The following ATP1A1 variants were observed in gnomAD, a reference collection of about 807,000 sequenced individuals.
The protein encoded by ATP1A1 is ATPase Na+/K+ transporting subunit alpha 1, also known as sodium/potassium-transporting ATPase subunit alpha-1.
A neutral mutation model predicts 114.8 loss-of-function variants in ATP1A1; 14 were observed. That is an observed-to-expected ratio of 0.12 (90% CI 0.08 to 0.19). The LOEUF (loss-of-function observed/expected upper bound fraction) is 0.19, where lower values mean the gene tolerates loss of function less well. Among genes scored for constraint, ATP1A1 ranks in the 10% least tolerant of loss-of-function variants. ATP1A1 has a pLI of 1.00. For synonymous variants in ATP1A1, 471 were observed against 466.3 expected, an observed-to-expected ratio of 1.01 and a Z score of -0.13; for missense variants, 524 against 1,290.7, an observed-to-expected ratio of 0.41 and a Z score of 9.10.
At chr1:116,394,526 G>GT (rs1431940714) in intron 12 of ATP1A1, among the ~76,000 whole-genome samples, 4 of 151,926 alleles carry the variant, frequency 2.6e-5, no homozygotes, top group African/African-American at 9.7e-5. Flanking sequence ...AAAGATCATT[G>GT]TAACGTCATA....
At position 116,373,762 on chromosome 1, in the gene ATP1A1, G is replaced by GTGGGCGGACCCTGGGCGGGGGC. The variant is rs1651153754; in HGVS notation, c.12+242_12+263dup. 9.3e-6 allele frequency: 11 copies of GTGGGCGGACCCTGGGCGGGGGC among 1,182,866 alleles called. No homozygotes were observed. In the South Asian group the frequency reaches 3.1e-4, roughly 34 times the overall value. 73.3% of individuals were successfully genotyped at this position (1,182,866 alleles called of 1,614,324 possible). A position where few individuals can be genotyped will look rare whatever the true frequency, so the allele number is the denominator to read the frequency against. ...CTGGAGCGCGGCATTGCTTAGGGGG[G>GTGGGCGGACCCTGGGCGGGGGC]TGGGCGGACCCTGGGCGGGGGCTGC... On this transcript the variant is annotated intron_variant, in intron 1 of 22. Transcript: ENST00000295598.
Position 116,384,133 on chromosome 1 carries a change from TAGG to T in ATP1A1, c.123+14_123+16del. On this transcript the variant is annotated intron_variant, in intron 2 of 22. Coordinates refer to ENST00000295598, the MANE Select transcript of ATP1A1 (RefSeq NM_000701.8). This position sits in a 1 kb window ranked among gnomAD's most constrained non-coding sequence, Gnocchi z 5.1. ...AGAAAGAAGTTTCTATGGTAAGTAC[TAGG>T]AGGAATATTGTATTCCATCCTTATT... 1 of 1,602,068 alleles carries T rather than the reference TAGG, an allele frequency of 6.2e-7. No homozygotes were observed. The highest frequency in any genetic ancestry group is 8.6e-7 in the Non-Finnish European group (1 of 1,169,148).
rs1651761422 is a variant in ATP1A1 at position 116,381,838 on chromosome 1, A to G, written c.13-2176A>G. Among the ~76,000 whole-genome samples the G allele has an allele frequency of 6.6e-6, 1 of 152,234 alleles. No individual in the cohort carries two copies. The highest frequency in any genetic ancestry group is 6.5e-5 in the Admixed American group (1 of 15,284). On this transcript the variant is annotated intron_variant, in intron 1 of 22. Coordinates refer to ENST00000295598, the MANE Select transcript of ATP1A1 (RefSeq NM_000701.8). This position sits in a 1 kb window ranked among gnomAD's most constrained non-coding sequence, Gnocchi z 5.1. ...TATTTCATTTATTGAAATATATTTC[A>G]ATGATATTCAACTTGCTCAGAGAGA...
Position 116,373,416 on chromosome 1 carries a change from C to T in ATP1A1, c.-96C>T. 1 of 1,144,418 alleles carries T rather than the reference C, an allele frequency of 8.7e-7. No homozygotes were observed. The highest frequency in any genetic ancestry group is 1.2e-6 in the Non-Finnish European group (1 of 831,088). 70.9% of individuals were successfully genotyped at this position (1,144,418 alleles called of 1,614,324 possible). On this transcript the variant is annotated 5_prime_UTR_variant, in exon 1 of 23. Transcript: ENST00000295598. ...CAGCCCTAGCTCCCTCCACTTGGCTCCCCTGGTCCCGCTCGCTCGGCCGGG... is the reference window on the plus strand; with the variant it reads ...CAGCCCTAGCTCCCTCCACTTGGCTTCCCTGGTCCCGCTCGCTCGGCCGGG...
chr1:116,384,648 AC>A lies in ATP1A1; in HGVS notation c.124-133del. ...GCCACAAAGCGATGGTGAAAATTGTACCAACTTATGCACTGAAGAAAACATC... is the reference window on the plus strand; with the variant it reads ...GCCACAAAGCGATGGTGAAAATTGTACAACTTATGCACTGAAGAAAACATC... On this transcript the variant is annotated intron_variant, in intron 2 of 22. Coordinates refer to ENST00000295598, the MANE Select transcript of ATP1A1 (RefSeq NM_000701.8). This position sits in a 1 kb window ranked among gnomAD's most constrained non-coding sequence, Gnocchi z 5.1. 1.4e-6 allele frequency: 1 copy of A among 721,202 alleles called. No individual in the cohort carries two copies. Among genetic ancestry groups the A allele is most frequent in the East Asian group, 3.0e-5 (1 of 33,674 alleles). 44.7% of individuals were successfully genotyped at this position (721,202 alleles called of 1,614,324 possible).
In ATP1A1 at chr1:116,401,829, C is replaced by T. The variant is rs1029402317; in HGVS notation, c.2951+174C>T. 5.8e-5 allele frequency: 37 copies of T among 640,926 alleles called. No homozygotes were observed. The highest frequency in any genetic ancestry group is 4.9e-4 in the African/African-American group (27 of 54,582). The allele number at this position is 640,926 out of a possible 1,614,324, so 39.7% of individuals were successfully genotyped here. A position where few individuals can be genotyped will look rare whatever the true frequency, so the allele number is the denominator to read the frequency against. ...TGTCAGTAAATCAGACTAACAAATC[C>T]TGAGGCTTCCATGATAGCAGCTAGT... On this transcript the variant is annotated intron_variant, in intron 21 of 22. Coordinates refer to ENST00000295598, the MANE Select transcript of ATP1A1 (RefSeq NM_000701.8). This position sits in a 1 kb window ranked among gnomAD's most constrained non-coding sequence, Gnocchi z 4.7.
rs573381296 is a variant in ATP1A1, at chr1:116,380,563, C to T, written c.13-3451C>T. Among the ~76,000 whole-genome samples the T allele has an allele frequency of 4.2e-4, 64 of 152,188 alleles. 2 individuals carry two copies. In the South Asian group the frequency reaches 0.013, roughly 31 times the overall value. On this transcript the variant is annotated intron_variant, in intron 1 of 22. Transcript: ENST00000295598. The stretch of plus-strand genomic sequence containing the variant: ...AATTTCTAAATCTGTCATATCTATC[C>T]CCAACCCTGTCCCCATTAAATGGCT...
intron 1 of ATP1A1, 136 bp from the exon 2 acceptor site, chr1:116,383,877 AT>A: frequency 1.4e-6 from 1 of 697,532 alleles, no homozygotes; most frequent in Non-Finnish European, 2.5e-6. Flanking sequence ...ATGGGTATAC[AT>A]TTTCCTGACT....
rs35105136 is a variant in ATP1A1, at chr1:116,395,016, T to TC, written c.1661-92dup. ...TTTAAAAATTTTCCAAAGTAAACAC[T>TC]CCAGAGAAAGGTAGGCGGGCTGAAT... On this transcript the variant is annotated intron_variant, in intron 12 of 22. Coordinates refer to ENST00000295598, the MANE Select transcript of ATP1A1 (RefSeq NM_000701.8). This position sits in a 1 kb window ranked among gnomAD's most constrained non-coding sequence, Gnocchi z 6.4. 7.4e-7 allele frequency: 1 copy of TC among 1,343,342 alleles called. No homozygotes were observed. Among genetic ancestry groups the TC allele is most frequent in the African/African-American group, 1.5e-5 (1 of 67,316 alleles). 83.2% of individuals were successfully genotyped at this position (1,343,342 alleles called of 1,614,324 possible). A position where few individuals can be genotyped will look rare whatever the true frequency, so the allele number is the denominator to read the frequency against.
Position 116,373,446 on chromosome 1 carries a change from GCT to G in ATP1A1, c.-63_-62del. 2 of 1,504,096 alleles carry G rather than the reference GCT, an allele frequency of 1.3e-6. No homozygotes were observed. The allele number at this position is 1,504,096 out of a possible 1,614,324, so 93.2% of individuals were successfully genotyped here. On this transcript the variant is annotated 5_prime_UTR_variant, in exon 1 of 23. Transcript: ENST00000295598. ...GGTCCCGCTCGCTCGGCCGGGAGCT[GCT>G]CTGTGCTTTTCTCTCTGATTCTCCA...
intron 1 of ATP1A1, among the ~76,000 whole-genome samples, chr1:116,380,437 T>C (rs1407361807): frequency 1.3e-5 from 2 of 152,236 alleles, no homozygotes; most frequent in Non-Finnish European, 2.9e-5. Context: ...TGTTGGAGGC[T>C]GGTGTTTGGG....
Position 116,401,164 on chromosome 1 carries a change from G to C in ATP1A1, c.2753G>C (p.Cys918Ser). The change falls in exon 20 of 23, where the codon TGC becomes TCC. Residue 918 changes from cysteine (C) to serine (S), a missense_variant. Physicochemically the swap from Cys to Ser is moderately radical, Grantham distance 112 (BLOSUM62 -1). Around this residue, in one of 8 missense-constraint regions of ATP1A1, gnomAD observed 84 missense variants for 209.3 expected, o/e 0.40. Coordinates refer to ENST00000295598, the MANE Select transcript of ATP1A1 (RefSeq NM_000701.8). The surrounding 1 kb of genome is among the most constrained non-coding windows in gnomAD (Gnocchi z 4.7). Reference protein sequence around the residue: ...YEQRKIVEFTCHTAFFVSIVV... With the variant: ...YEQRKIVEFTSHTAFFVSIVV... ...CAGAGGAAAATCGTGGAGTTCACCT[G>C]CCACACAGCCTTCTTCGTCAGTATC... is the stretch of plus-strand genomic sequence containing the variant. The C allele has an allele frequency of 6.2e-7, 1 of 1,614,204 alleles. No individual in the cohort carries two copies. The highest frequency in any genetic ancestry group is 2.2e-5 in the East Asian group (1 of 44,886).
Position 116,389,153 on chromosome 1 carries a change from G to A in ATP1A1, c.754+134G>A. 2 of 980,500 alleles carry A rather than the reference G, an allele frequency of 2.0e-6. No individual in the cohort carries two copies. The highest frequency in any genetic ancestry group is 1.6e-5 in the African/African-American group (1 of 60,804). 60.7% of individuals were successfully genotyped at this position (980,500 alleles called of 1,614,324 possible). A position where few individuals can be genotyped will look rare whatever the true frequency, so the allele number is the denominator to read the frequency against. On this transcript the variant is annotated intron_variant, in intron 7 of 22. Transcript: ENST00000295598. The surrounding 1 kb of genome is among the most constrained non-coding windows in gnomAD (Gnocchi z 6.9). ...CTTGTGTCAAGCACAGAGCAGAGGTGTTTTCCTAGCTGGCAGGAAACCTTG... is the reference window on the plus strand; with the variant it reads ...CTTGTGTCAAGCACAGAGCAGAGGTATTTTCCTAGCTGGCAGGAAACCTTG...
In ATP1A1 at chr1:116,397,773, TC is replaced by T. The variant is rs1653053713; in HGVS notation, c.1974-113del. 1 of 1,317,462 alleles carries T rather than the reference TC, an allele frequency of 7.6e-7. No homozygotes were observed. Among genetic ancestry groups the T allele is most frequent in the Non-Finnish European group, 1.0e-6 (1 of 965,958 alleles). The allele number at this position is 1,317,462 out of a possible 1,614,324, so 81.6% of individuals were successfully genotyped here. On this transcript the variant is annotated intron_variant, in intron 14 of 22. Transcript: ENST00000295598. The surrounding 1 kb of genome is among the most constrained non-coding windows in gnomAD (Gnocchi z 4.2). ...ATAGCTTTTATGTGCTGGGGAAAAT[TC>T]CTTCTTTGTTTTGTTTACAAAGTGA...
At chr1:116,392,219 C>T (rs1247422143) in intron 10 of ATP1A1, 2 of 152,184 alleles carry the variant, frequency 1.3e-5, no homozygotes, top group African/African-American at 4.8e-5. Context: ...ATGTGTGTCA[C>T]TGAAGCATGG....
At chr1:116,403,801 T>G in intron 21 of ATP1A1, 83 bp from the exon 22 acceptor site, 1 of 1,196,118 alleles carries the variant, frequency 8.4e-7, no homozygotes, top group Admixed American at 2.0e-5. Flanking sequence ...ATTATTTCAT[T>G]GTCACTGGTG....
chr1:116,393,799 G>A lies in ATP1A1; in HGVS notation c.1660+76G>A, dbSNP rs1487146595. On this transcript the variant is annotated intron_variant, in intron 12 of 22. Coordinates refer to ENST00000295598, the MANE Select transcript of ATP1A1 (RefSeq NM_000701.8). The surrounding 1 kb of genome is among the most constrained non-coding windows in gnomAD (Gnocchi z 5.0). ...ACCTAGTCTGGTAGACAGTTAACAA[G>A]TGATCCTATGAACCTCTATGTCTTG... 1.0e-5 allele frequency: 14 copies of A among 1,406,072 alleles called. No homozygotes were observed. The East Asian group carries it at 3.4e-4, about 34-fold the overall frequency. The allele number at this position is 1,406,072 out of a possible 1,614,324, so 87.1% of individuals were successfully genotyped here.
chr1:116,374,937 G>T (rs554315688), intron 1 of ATP1A1, among the ~76,000 whole-genome samples: 1 of 152,136 alleles, frequency 6.6e-6, no homozygotes, highest in Non-Finnish European at 1.5e-5. Flanking sequence ...TGCACAACTC[G>T]CCTCGCTTTT....
At chr1:116,383,447 TA>T in intron 1 of ATP1A1, 2 of 797,968 alleles carry the variant, frequency 2.5e-6, no homozygotes, top group Non-Finnish European at 3.0e-6. Flanking sequence ...TTGTATCATT[TA>T]ATCCTTAAAA....
Sources: gnomAD v4.1 joint callset for allele counts (sites outside exome capture counted in the v4.1 genomes callset) on GRCh38, gnomAD v4.1.1 for gene constraint, gnomAD v4.1.1 regional missense constraint, Gnocchi (gnomAD v3.1) non-coding constraint, MANE v1.5 for transcripts, NCBI Gene and HGNC (gene_info 2026-07-23, HGNC 2026-07-21) for gene names.